The following TRIM36 variants were observed in gnomAD, a reference collection of about 807,000 sequenced individuals.
The protein encoded by TRIM36 is E3 ubiquitin-protein ligase TRIM36.
In TRIM36, 42 loss-of-function variants were observed where a neutral mutation model predicts 72.4. That is an observed-to-expected ratio of 0.58 (90% CI 0.45 to 0.75). The LOEUF is 0.75. Among genes scored for constraint, TRIM36 ranks in the 30% least tolerant of loss-of-function variants. The pLI, the probability that TRIM36 is intolerant of heterozygous loss-of-function variation, is 0.00. For missense variants in TRIM36, 913 were observed against 857.1 expected, an observed-to-expected ratio of 1.07 and a Z score of -0.81; for synonymous variants, 315 against 282.8, an observed-to-expected ratio of 1.11 and a Z score of -1.14.
In TRIM36 at chr5:115,128,051, A is replaced by T. The variant is rs562891560; in HGVS notation, c.1797-1194T>A. Among the ~76,000 whole-genome samples the T allele has an allele frequency of 3.6e-3, 508 of 142,732 alleles. 3 individuals are homozygous for T. Among genetic ancestry groups the T allele is most frequent in the Non-Finnish European group, 5.8e-3 (376 of 64,582 alleles). The allele number at this position is 142,732 out of a possible 152,430, so 93.6% of individuals were successfully genotyped here. On this transcript the variant is annotated intron_variant, in intron 9 of 9. Coordinates refer to ENST00000513154, the MANE Select transcript of TRIM36 (RefSeq NM_001300759.2). ...TAAAATGTTAAAAATTTAAAAAATTAAAAAAAAAAACTTGTAGAACAAGGC... is the reference window on the plus strand; with the variant it reads ...TAAAATGTTAAAAATTTAAAAAATTTAAAAAAAAAACTTGTAGAACAAGGC...
At chr5:115,126,905 A>G (rs1458332591) in intron 9 of TRIM36, 48 bp from the exon 10 acceptor site, 3 of 1,517,842 alleles carry the variant, frequency 2.0e-6, no homozygotes, top group East Asian at 4.5e-5. Flanking sequence ...AGATCTAAGT[A>G]TCTTCAAAAC....
rs765856640 is a variant in TRIM36, at chr5:115,130,128, T to C, written c.1796+464A>G. 6.3e-4 allele frequency among the ~76,000 whole-genome samples: 96 copies of C among 152,324 alleles called. 1 individual carries two copies. The highest frequency in any genetic ancestry group is 6.8e-3 in the Middle Eastern group (2 of 294). ...AAAGAACTGAACTGTACAATCTTCA[T>C]TAGTCAATCTCTTAAGAAACTGGAA... On this transcript the variant is annotated intron_variant, in intron 9 of 9. Transcript: ENST00000513154.
upstream of TRIM36, among the ~76,000 whole-genome samples, chr5:115,170,579 G>A (rs1017859096): frequency 3.3e-5 from 5 of 152,198 alleles, no homozygotes; most frequent in Admixed American, 6.5e-5. Context: ...GGCTTCACTT[G>A]CTGGGTGAAC....
intron 3 of TRIM36, among the ~76,000 whole-genome samples, chr5:115,146,167 C>A (rs373965240): frequency 1.3e-5 from 2 of 152,174 alleles, no homozygotes; most frequent in Admixed American, 6.5e-5. Context: ...GATGAATCTA[C>A]TACCAGACTG....
chr5:115,132,291 T>A (rs925477113), intron 8 of TRIM36, among the ~76,000 whole-genome samples: 1 of 151,750 alleles, frequency 6.6e-6, no homozygotes, highest in Non-Finnish European at 1.5e-5. Context: ...TCCAGCACTT[T>A]GGGAGGCCGA....
chr5:115,139,843 C>G (rs1381987799), intron 5 of TRIM36, among the ~76,000 whole-genome samples: 3 of 152,186 alleles, frequency 2.0e-5, no homozygotes, highest in Admixed American at 1.3e-4. Flanking sequence ...TACATGAATA[C>G]TTGACACCTA....
upstream of TRIM36, among the ~76,000 whole-genome samples, chr5:115,174,500 G>T (rs1345303218): frequency 6.6e-6 from 1 of 152,164 alleles, no homozygotes; most frequent in African/African-American, 2.4e-5. Flanking sequence ...GAATGGTATT[G>T]TCTATCAATT....
chr5:115,168,300 AG>A (rs1447573175), intron 1 of TRIM36, among the ~76,000 whole-genome samples: 12 of 152,224 alleles, frequency 7.9e-5, no homozygotes, highest in African/African-American at 2.9e-4. Flanking sequence ...CAACTAAAAA[AG>A]TTTGATGACC....
At chr5:115,134,300 T>C (rs1752848488) in intron 7 of TRIM36, among the ~76,000 whole-genome samples, 153 bp from the exon 8 acceptor site, 1 of 151,736 alleles carries the variant, frequency 6.6e-6, no homozygotes, top group Non-Finnish European at 1.5e-5. Flanking sequence ...AGCACAAAAA[T>C]TAAATATATT....
intron 5 of TRIM36, among the ~76,000 whole-genome samples, chr5:115,138,346 G>T (rs1039535644): frequency 6.6e-6 from 1 of 151,978 alleles, no homozygotes; most frequent in Non-Finnish European, 1.5e-5. Context: ...TGATCAACCC[G>T]CCTCGGCCTC....
chr5:115,146,433 T>C (rs981891722), intron 3 of TRIM36, among the ~76,000 whole-genome samples: 1 of 152,048 alleles, frequency 6.6e-6, no homozygotes, highest in Non-Finnish European at 1.5e-5. Flanking sequence ...TCTATATACA[T>C]CAGAAAGAAG....
intron 1 of TRIM36, among the ~76,000 whole-genome samples, chr5:115,176,355 T>C (rs1755339554): frequency 6.6e-6 from 1 of 152,178 alleles, no homozygotes; most frequent in Non-Finnish European, 1.5e-5. Flanking sequence ...TCTTCTTTTT[T>C]TAAGGTAAAG....
chr5:115,144,451 C>G, intron 4 of TRIM36, 147 bp downstream of exon 4: 1 of 948,472 alleles, frequency 1.1e-6, no homozygotes. Context: ...TACTAACAAC[C>G]TAATATTAGT....
chr5:115,139,245 C>T (rs1027952607), intron 5 of TRIM36, among the ~76,000 whole-genome samples: 1 of 151,918 alleles, frequency 6.6e-6, no homozygotes, highest in Non-Finnish European at 1.5e-5. Flanking sequence ...CTCAGCCTCC[C>T]GAGTAGCTGG....
chr5:115,136,824 G>A (rs890860287), intron 7 of TRIM36, among the ~76,000 whole-genome samples, 176 bp downstream of exon 7: 1 of 152,114 alleles, frequency 6.6e-6, no homozygotes, highest in African/African-American at 2.4e-5. Flanking sequence ...CATAGTTTTT[G>A]TGCATAAAAA....
At chr5:115,164,747 T>C (rs1754671723) in intron 1 of TRIM36, among the ~76,000 whole-genome samples, 1 of 152,144 alleles carries the variant, frequency 6.6e-6, no homozygotes, top group Non-Finnish European at 1.5e-5. Flanking sequence ...TCAAAACCAA[T>C]CATGCTTCCA....
Position 115,126,380 on chromosome 5 carries a change from G to A in TRIM36, c.*123C>T, listed in dbSNP as rs1339542820. On this transcript the variant is annotated 3_prime_UTR_variant, in exon 10 of 10. Transcript: ENST00000513154. The stretch of plus-strand genomic sequence containing the variant: ...GTTTAGATTTTCTGTATTTCAAGAA[G>A]AATCATACTCAAACACAAGTGGGGT... 1 of 730,774 alleles carries A rather than the reference G, an allele frequency of 1.4e-6. No individual in the cohort carries two copies. The highest frequency in any genetic ancestry group is 2.2e-6 in the Non-Finnish European group (1 of 462,198). The allele number at this position is 730,774 out of a possible 1,614,324, so 45.3% of individuals were successfully genotyped here.
rs879078468 is a variant in TRIM36, at chr5:115,130,481, T to C, written c.1796+111A>G. 5 of 1,265,592 alleles carry C rather than the reference T, an allele frequency of 4.0e-6. No homozygotes were observed. The South Asian group carries it at 7.9e-5, about 20-fold the overall frequency. The allele number at this position is 1,265,592 out of a possible 1,614,324, so 78.4% of individuals were successfully genotyped here. ...TTTCTCAATCAAGCCACAGCCAAAATACTAGAATCTAAGAAATAAGAAATG... is the reference window on the plus strand; with the variant it reads ...TTTCTCAATCAAGCCACAGCCAAAACACTAGAATCTAAGAAATAAGAAATG... On this transcript the variant is annotated intron_variant, in intron 9 of 9. Coordinates refer to ENST00000513154, the MANE Select transcript of TRIM36 (RefSeq NM_001300759.2).
At chr5:115,148,261 C>A in intron 2 of TRIM36, 1 of 836,558 alleles carries the variant, frequency 1.2e-6, no homozygotes, top group Non-Finnish European at 1.4e-6. Flanking sequence ...CAATGAATGA[C>A]CTTAAACATC....
Sources: allele counts gnomAD v4.1 joint callset (sites outside exome capture counted in the v4.1 genomes callset), GRCh38; gene constraint gnomAD v4.1.1; transcripts MANE v1.5; gene names NCBI Gene and HGNC (gene_info 2026-07-23, HGNC 2026-07-21).